SLC9A9: variants seen among roughly 807,000 people sequenced by gnomAD.
SLC9A9 encodes the protein sodium/hydrogen exchanger 9.
A neutral mutation model predicts 77.8 loss-of-function variants in SLC9A9; 62 were observed. The observed-to-expected ratio is 0.80, with a 90% confidence interval of 0.65 to 0.98. SLC9A9 has a LOEUF of 0.98. SLC9A9 is among the 50% of genes least tolerant of loss of function. The pLI is 0.00. For missense variants in SLC9A9, 775 were observed against 774.9 expected, an observed-to-expected ratio of 1.00 and a Z score of 0.00; for synonymous variants, 320 against 283.5, an observed-to-expected ratio of 1.13 and a Z score of -1.29.
At chr3:143,480,616 A>G (rs2035557651) in intron 11 of SLC9A9, among the ~76,000 whole-genome samples, 1 of 152,164 alleles carries the variant, frequency 6.6e-6, no homozygotes, top group Non-Finnish European at 1.5e-5. Flanking sequence ...AGCTTTGCTC[A>G]CTAATGCCTG....
chr3:143,313,945 C>T (rs1445892779), intron 14 of SLC9A9, among the ~76,000 whole-genome samples: 1 of 152,196 alleles, frequency 6.6e-6, no homozygotes, highest in Admixed American at 6.5e-5. Flanking sequence ...GGCATGGCTG[C>T]CCATGCCCCC....
chr3:143,488,752 T>C (rs1409365461), intron 11 of SLC9A9, among the ~76,000 whole-genome samples: 1 of 151,876 alleles, frequency 6.6e-6, no homozygotes, highest in Non-Finnish European at 1.5e-5. Context: ...CTTAACATAA[T>C]AAAAGCTGTA....
chr3:143,780,146 C>A (rs2007824883), intron 4 of SLC9A9, among the ~76,000 whole-genome samples: 1 of 152,154 alleles, frequency 6.6e-6, no homozygotes, highest in Admixed American at 6.5e-5. Context: ...ATCATGTAAG[C>A]AATTTATCTA....
intron 4 of SLC9A9, among the ~76,000 whole-genome samples, chr3:143,792,870 C>G (rs116109270): frequency 0.035 from 5,388 of 152,180 alleles, 260 homozygotes; most frequent in African/African-American, 0.11. Context: ...TTCTCCTTCA[C>G]GCAGCTACCA....
chr3:143,416,580 G>GGA (rs1408951515), intron 12 of SLC9A9, among the ~76,000 whole-genome samples: 1 of 151,906 alleles, frequency 6.6e-6, no homozygotes, highest in African/African-American at 2.4e-5. Flanking sequence ...TTTAAGGTCT[G>GGA]GATATATATA....
intron 4 of SLC9A9, among the ~76,000 whole-genome samples, chr3:143,701,004 TC>T (rs1333691288): frequency 6.6e-6 from 1 of 152,196 alleles, no homozygotes; most frequent in East Asian, 1.9e-4. Flanking sequence ...AGAACAAGAG[TC>T]ACTGCCTGGT....
At chr3:143,554,690 GC>G (rs1408279772) in intron 8 of SLC9A9, among the ~76,000 whole-genome samples, 1 of 152,108 alleles carries the variant, frequency 6.6e-6, no homozygotes, top group East Asian at 1.9e-4. Context: ...ATCTCTTCCT[GC>G]CCCTTCCCCA....
chr3:143,706,651 G>T (rs1933987761), intron 4 of SLC9A9, among the ~76,000 whole-genome samples: 1 of 152,158 alleles, frequency 6.6e-6, no homozygotes, highest in African/African-American at 2.4e-5. Flanking sequence ...ACTGCGGATT[G>T]CCTGGCCTTA....
At chr3:143,536,035 T>G (rs2108625583) in intron 9 of SLC9A9, among the ~76,000 whole-genome samples, 1 of 152,278 alleles carries the variant, frequency 6.6e-6, no homozygotes, top group East Asian at 1.9e-4. Flanking sequence ...AGTGAAGAAA[T>G]TTTACTGTTT....
intron 4 of SLC9A9, among the ~76,000 whole-genome samples, chr3:143,716,062 T>G (rs1934338972): frequency 6.6e-6 from 1 of 152,230 alleles, no homozygotes; most frequent in Non-Finnish European, 1.5e-5. Context: ...GAAATGGTGC[T>G]TTTTCTTTGA....
At chr3:143,444,841 G>A (rs2034813340) in intron 12 of SLC9A9, among the ~76,000 whole-genome samples, 1 of 152,238 alleles carries the variant, frequency 6.6e-6, no homozygotes, top group Non-Finnish European at 1.5e-5. Flanking sequence ...TGGCATGAAT[G>A]TGGCATATTT....
At chr3:143,748,714 T>G (rs1232521342) in intron 4 of SLC9A9, among the ~76,000 whole-genome samples, 1 of 133,678 alleles carries the variant, frequency 7.5e-6, no homozygotes, top group African/African-American at 2.6e-5. Context: ...TTTTTTTTTT[T>G]GAGACGGAGT....
At chr3:143,722,202 G>T (rs1934516976) in intron 4 of SLC9A9, among the ~76,000 whole-genome samples, 1 of 152,038 alleles carries the variant, frequency 6.6e-6, no homozygotes, top group South Asian at 2.1e-4. Context: ...GGCCGGGCGC[G>T]GTGGCTCACG....
At chr3:143,552,280 T>C (rs983734263) in intron 9 of SLC9A9, 82 bp downstream of exon 9, 9 of 988,954 alleles carry the variant, frequency 9.1e-6, no homozygotes, top group Non-Finnish European at 1.4e-5. Context: ...AATGAAACTC[T>C]TTCTGACTAT....
chr3:143,512,501 A>T lies in SLC9A9; in HGVS notation c.1090-17053T>A, dbSNP rs184524795. Among the ~76,000 whole-genome samples the T allele has an allele frequency of 3.3e-5, 5 of 152,328 alleles. No homozygotes were observed. The East Asian group carries it at 9.6e-4, about 29-fold the overall frequency. The stretch of plus-strand genomic sequence containing the variant: ...ATAGCAATAAAATGAGTCACACACA[A>T]TTTTTGGTTTCACAGTGTATATAAA... On this transcript the variant is annotated intron_variant, in intron 9 of 15. Transcript: ENST00000316549.
intron 13 of SLC9A9, among the ~76,000 whole-genome samples, chr3:143,364,324 A>G (rs952335351): frequency 1.3e-5 from 2 of 151,914 alleles, no homozygotes; most frequent in Non-Finnish European, 2.9e-5. Flanking sequence ...ACTGTATTCC[A>G]TTTTGTGTGT....
Position 143,432,168 on chromosome 3 carries a change from G to A in SLC9A9, c.1469+34869C>T, listed in dbSNP as rs116719540. 4.8e-3 allele frequency among the ~76,000 whole-genome samples: 732 copies of A among 152,236 alleles called. 1 individual carries two copies. The highest frequency in any genetic ancestry group is 8.3e-3 in the South Asian group (40 of 4,826). On this transcript the variant is annotated intron_variant, in intron 12 of 15. Transcript: ENST00000316549. Reference sequence around the variant, plus strand: ...CCAAAATGAAAACACCCTGAGCACAGGCATTTTTGTTTATTTCAAATGCTC... The same window carrying A: ...CCAAAATGAAAACACCCTGAGCACAAGCATTTTTGTTTATTTCAAATGCTC...
intron 9 of SLC9A9, among the ~76,000 whole-genome samples, chr3:143,535,384 T>C (rs568441034): frequency 5.0e-4 from 76 of 152,334 alleles, no homozygotes; most frequent in Non-Finnish European, 9.0e-4. Flanking sequence ...GGTCATATCT[T>C]TTTGCTTTCT....
intron 12 of SLC9A9, among the ~76,000 whole-genome samples, chr3:143,466,242 A>G (rs982420930): frequency 9.9e-5 from 15 of 152,246 alleles, no homozygotes; most frequent in Admixed American, 9.8e-4. Flanking sequence ...GGACTGCATG[A>G]TCATCAAAAT....
Sources: gnomAD v4.1 joint callset for allele counts (sites outside exome capture counted in the v4.1 genomes callset) on GRCh38, gnomAD v4.1.1 for gene constraint, MANE v1.5 for transcripts, NCBI Gene and HGNC (gene_info 2026-07-23, HGNC 2026-07-21) for gene names.